Variants in RIT1 observed in about 807,000 individuals in gnomAD.
RIT1 encodes Ras like without CAAX 1, also known as GTP-binding protein Rit1.
A neutral mutation model predicts 25.6 loss-of-function variants in RIT1; 6 were observed. That is an observed-to-expected ratio of 0.23 (90% CI 0.13 to 0.46). The LOEUF is 0.46. Among genes scored for constraint, RIT1 ranks in the 20% least tolerant of loss-of-function variants. The probability of loss-of-function intolerance (pLI) is 0.99; values close to 1 mark genes in which losing one functional copy is unlikely to be tolerated. For synonymous variants in RIT1, 81 were observed against 94.1 expected (o/e 0.86, Z 0.80); for missense variants, 219 against 284.4 (o/e 0.77, Z 1.65).
chr1:155,911,147 T>C (rs959788160), intron 1 of RIT1, 96 bp downstream of exon 1: 4 of 546,324 alleles, frequency 7.3e-6, no homozygotes, highest in Non-Finnish European at 1.3e-5. Context: ...CTCTCACGTC[T>C]GCGGTACCCA....
chr1:155,909,787 T>C (rs903518318), intron 3 of RIT1, among the ~76,000 whole-genome samples: 1 of 151,942 alleles, frequency 6.6e-6, no homozygotes, highest in Non-Finnish European at 1.5e-5. Flanking sequence ...CCGGGTGTGG[T>C]GGCAGATGCC....
Position 155,899,372 on chromosome 1 carries a change from C to T in RIT1, c.*1016G>A, listed in dbSNP as rs569661142. On this transcript the variant is annotated 3_prime_UTR_variant, in exon 6 of 6. Transcript: ENST00000368323. ...CACTGAGTCTAGTGATTGTCCACGT[C>T]AAGGAGGCACACACACAATTTTACC... 4.4e-6 allele frequency: 1 copy of T among 225,782 alleles called. No homozygotes were observed. Among genetic ancestry groups the T allele is most frequent in the Non-Finnish European group, 8.8e-6 (1 of 113,086 alleles). 14.0% of individuals were successfully genotyped at this position (225,782 alleles called of 1,614,324 possible).
At chr1:155,902,973 C>A (rs1673344116) in intron 5 of RIT1, among the ~76,000 whole-genome samples, 1 of 144,842 alleles carries the variant, frequency 6.9e-6, no homozygotes, top group African/African-American at 2.6e-5. Flanking sequence ...CCAGCCTGAC[C>A]AACATGGTGA....
At chr1:155,908,021 G>A in intron 3 of RIT1, among the ~76,000 whole-genome samples, 1 of 151,612 alleles carries the variant, frequency 6.6e-6, no homozygotes, top group East Asian at 2.0e-4. Flanking sequence ...ACCCCGGGGG[G>A]GCGGAGCCTG....
Position 155,900,092 on chromosome 1 carries a change from TAC to T in RIT1, c.*294_*295del. ...TGAACTTAGTCAAACACACATGGTATACATATTCTCCTGGGTATAAACAAATT... is the reference window on the plus strand; with the variant it reads ...TGAACTTAGTCAAACACACATGGTATATATTCTCCTGGGTATAAACAAATT... On this transcript the variant is annotated 3_prime_UTR_variant, in exon 6 of 6. Transcript: ENST00000368323. 1 of 384,502 alleles carries T rather than the reference TAC, an allele frequency of 2.6e-6. No individual in the cohort carries two copies. The highest frequency in any genetic ancestry group is 4.7e-6 in the Non-Finnish European group (1 of 211,246). The allele number at this position is 384,502 out of a possible 1,614,324, so 23.8% of individuals were successfully genotyped here.
In RIT1 at chr1:155,911,225, G is replaced by A. The variant is rs1204644142; in HGVS notation, c.-44+18C>T. ...ACCCCCAGCTGCTGCTCCGCCGCCA[G>A]ACTCCCCACCCCTCTACCTCACAAG... On this transcript the variant is annotated intron_variant, in intron 1 of 5. Transcript: ENST00000368323. The A allele has an allele frequency of 1.5e-5, 5 of 343,438 alleles. No individual in the cohort carries two copies. Among genetic ancestry groups the A allele is most frequent in the Admixed American group, 1.3e-4 (2 of 15,860 alleles). 21.3% of individuals were successfully genotyped at this position (343,438 alleles called of 1,614,324 possible). A position where few individuals can be genotyped will look rare whatever the true frequency, so the allele number is the denominator to read the frequency against.
At chr1:155,904,228 G>T (rs1028461405) in intron 5 of RIT1, 83 bp downstream of exon 5, 16 of 1,125,558 alleles carry the variant, frequency 1.4e-5, no homozygotes, top group Admixed American at 6.7e-5. Flanking sequence ...AAATCTGTAA[G>T]CCAAGCCAAG....
At chr1:155,909,716 G>GT (rs1673542114) in intron 3 of RIT1, among the ~76,000 whole-genome samples, 1 of 152,018 alleles carries the variant, frequency 6.6e-6, no homozygotes, top group African/African-American at 2.4e-5. Context: ...GAGGTCAGGA[G>GT]TTTGAGACCA....
chr1:155,907,368 T>G (rs1486784347), intron 3 of RIT1, among the ~76,000 whole-genome samples: 2 of 151,838 alleles, frequency 1.3e-5, no homozygotes, highest in Non-Finnish European at 2.9e-5. Flanking sequence ...GCTTCCTGAG[T>G]AGCTGGGATT....
chr1:155,905,708 ATTAG>A (rs1217013411), intron 3 of RIT1, among the ~76,000 whole-genome samples: 15 of 152,338 alleles, frequency 9.8e-5, no homozygotes, highest in East Asian at 3.9e-4. Context: ...TCTTCTCTAA[ATTAG>A]TTAATTAGTG....
rs1673575657 is a variant in RIT1 at position 155,910,640 on chromosome 1, G to A, written c.106+16C>T. ...TTTTCATCCATGCTTCCTGTCAAAT[G>A]GAAAATGTTACCTACCACTCTTCCC... is the stretch of plus-strand genomic sequence containing the variant. On this transcript the variant is annotated intron_variant, in intron 2 of 5. Coordinates refer to ENST00000368323, the MANE Select transcript of RIT1 (RefSeq NM_006912.6). 1 of 1,612,310 alleles carries A rather than the reference G, an allele frequency of 6.2e-7. No homozygotes were observed. The highest frequency in any genetic ancestry group is 8.5e-7 in the Non-Finnish European group (1 of 1,178,548).
At chr1:155,909,378 CAA>C (rs1236205139) in intron 3 of RIT1, among the ~76,000 whole-genome samples, 1 of 130,622 alleles carries the variant, frequency 7.7e-6, no homozygotes. Context: ...ACACCGTCTC[CAA>C]AAAAAAAAAC....
intron 3 of RIT1, among the ~76,000 whole-genome samples, 165 bp from the exon 4 acceptor site, chr1:155,904,969 C>G (rs1393906724): frequency 1.2e-4 from 19 of 152,164 alleles, no homozygotes; most frequent in Non-Finnish European, 1.5e-5. Flanking sequence ...GAGTCTTCAA[C>G]TGAAGTTTTT....
Position 155,910,776 on chromosome 1 carries a change from C to T in RIT1, c.-15G>A. ...CCAGAATCCATTGTCCTCTTGGGGC[C>T]TTCCTCGGTTGCCCCGAGGAAAAGC... On this transcript the variant is annotated 5_prime_UTR_variant, in exon 2 of 6. Coordinates refer to ENST00000368323, the MANE Select transcript of RIT1 (RefSeq NM_006912.6). The T allele has an allele frequency of 6.2e-7, 1 of 1,614,216 alleles. No individual in the cohort carries two copies. Among genetic ancestry groups the T allele is most frequent in the Middle Eastern group, 1.6e-4 (1 of 6,062 alleles).
At chr1:155,904,683 T>C (rs1439203109) in intron 4 of RIT1, 48 bp downstream of exon 4, 1 of 1,418,572 alleles carries the variant, frequency 7.0e-7, no homozygotes, top group South Asian at 1.1e-5. Flanking sequence ...CCCCTCCCCT[T>C]TGCTAGAGTA....
chr1:155,909,572 A>T (rs1432605701), intron 3 of RIT1, among the ~76,000 whole-genome samples: 1 of 152,122 alleles, frequency 6.6e-6, no homozygotes, highest in Non-Finnish European at 1.5e-5. Context: ...AGTCAAAGCA[A>T]ACAAAATGAC....
chr1:155,909,928 A>AAT (rs1673551726), intron 3 of RIT1, among the ~76,000 whole-genome samples: 3 of 151,428 alleles, frequency 2.0e-5, no homozygotes, highest in Non-Finnish European at 4.4e-5. Context: ...TCTCAAAAAA[A>AAT]AAAAAAAAAC....
chr1:155,900,122 C>T lies in RIT1; in HGVS notation c.*266G>A. On this transcript the variant is annotated 3_prime_UTR_variant, in exon 6 of 6. Coordinates refer to ENST00000368323, the MANE Select transcript of RIT1 (RefSeq NM_006912.6). ...ATTCTCCTGGGTATAAACAAATTTA[C>T]ATTAATTAATAGCGCAACAGAACCC... The T allele has an allele frequency of 2.3e-6, 1 of 431,714 alleles. No homozygotes were observed. Among genetic ancestry groups the T allele is most frequent in the Non-Finnish European group, 4.1e-6 (1 of 241,038 alleles). 26.7% of individuals were successfully genotyped at this position (431,714 alleles called of 1,614,324 possible).
At chr1:155,904,885 T>G in intron 3 of RIT1, 81 bp from the exon 4 acceptor site, 1 of 889,974 alleles carries the variant, frequency 1.1e-6, no homozygotes, top group East Asian at 2.4e-5. Flanking sequence ...TACAGAGTAG[T>G]ACATTGTATC....
Sources: gnomAD v4.1 joint callset for allele counts (sites outside exome capture counted in the v4.1 genomes callset) on GRCh38, gnomAD v4.1.1 for gene constraint, MANE v1.5 for transcripts, NCBI Gene and HGNC (gene_info 2026-07-23, HGNC 2026-07-21) for gene names.